Variants in SLC44A5 observed in about 807,000 individuals in gnomAD.
SLC44A5 encodes the protein solute carrier family 44 member 5.
SLC44A5 carries 57 observed loss-of-function variants against 101.8 expected under a neutral mutation model. That is an observed-to-expected ratio of 0.56 (90% CI 0.45 to 0.70). SLC44A5 has a LOEUF of 0.70. Ranked by LOEUF, SLC44A5 falls within the 30% of genes least tolerant of loss-of-function variation. The pLI is 0.00. For synonymous variants in SLC44A5, 281 were observed against 290.9 expected, an observed-to-expected ratio of 0.97 and a Z score of 0.35; for missense variants, 737 against 853.1, an observed-to-expected ratio of 0.86 and a Z score of 1.70.
chr1:75,515,365 T>C (rs1185005186), intron 2 of SLC44A5, among the ~76,000 whole-genome samples: 2 of 152,004 alleles, frequency 1.3e-5, no homozygotes, highest in South Asian at 4.1e-4. Context: ...GCATGATAGA[T>C]GTCAAAAAAA....
At chr1:75,542,513 A>G (rs902425056) in intron 1 of SLC44A5, among the ~76,000 whole-genome samples, 1 of 152,098 alleles carries the variant, frequency 6.6e-6, no homozygotes, top group Non-Finnish European at 1.5e-5. Context: ...TCTCATCAAC[A>G]TGTTATCATT....
intron 2 of SLC44A5, among the ~76,000 whole-genome samples, chr1:75,500,222 T>C (rs929858682): frequency 1.3e-5 from 2 of 152,242 alleles, no homozygotes; most frequent in Admixed American, 1.3e-4. Context: ...AGAGCAACTA[T>C]TCTATCACAA....
chr1:75,247,173 G>A (rs1293542730), intron 7 of SLC44A5, among the ~76,000 whole-genome samples: 2 of 152,032 alleles, frequency 1.3e-5, no homozygotes, highest in East Asian at 3.9e-4. Context: ...ATGGCTCCTT[G>A]AACTAGGGAA....
intron 23 of SLC44A5, among the ~76,000 whole-genome samples, chr1:75,211,121 T>C (rs886286192): frequency 2.0e-5 from 3 of 152,158 alleles, no homozygotes; most frequent in African/African-American, 7.2e-5. Flanking sequence ...CCATAATTTA[T>C]TCATCCTGCA....
the SLC44A5 span, among the ~76,000 whole-genome samples, chr1:75,688,150 T>C: frequency 6.6e-6 from 1 of 152,156 alleles, no homozygotes; most frequent in Non-Finnish European, 1.5e-5. Flanking sequence ...CCACAGTCTT[T>C]CCTGACAGGA....
At chr1:75,703,964 G>A in the SLC44A5 span, among the ~76,000 whole-genome samples, 9 of 152,148 alleles carry the variant, frequency 5.9e-5, no homozygotes, top group Non-Finnish European at 1.2e-4. Flanking sequence ...GAGGCAGAAA[G>A]ATTGCTTGAG....
rs1281357272 is a variant in SLC44A5 at position 75,478,504 on chromosome 1, C to T, written c.13+62931G>A. ...CCATCAGTGTGCTGTATTCAGGAAA[C>T]CCATCTCACATGCAGAGACACACAT... On this transcript the variant is annotated intron_variant, in intron 2 of 23. Transcript: ENST00000370859. 3.9e-5 allele frequency among the ~76,000 whole-genome samples: 6 copies of T among 152,114 alleles called. No homozygotes were observed. In the East Asian group the frequency reaches 9.7e-4, roughly 24 times the overall value.
In SLC44A5 at chr1:75,498,488, G is replaced by A. The variant is rs116234434; in HGVS notation, c.13+42947C>T. On this transcript the variant is annotated intron_variant, in intron 2 of 23. Coordinates refer to ENST00000370859, the MANE Select transcript of SLC44A5 (RefSeq NM_001130058.2). ...TCTTTAAAATGCATAGGAAAATATG[G>A]TACTCATTCAACTGTCTTAATCTAT... Among the ~76,000 whole-genome samples, 879 of 152,164 alleles carry A rather than the reference G, an allele frequency of 5.8e-3. 3 individuals are homozygous for A. Among genetic ancestry groups the A allele is most frequent in the African/African-American group, 0.02 (842 of 41,518 alleles).
chr1:75,321,580 C>G (rs1317311104), intron 4 of SLC44A5, among the ~76,000 whole-genome samples: 2 of 152,182 alleles, frequency 1.3e-5, no homozygotes, highest in Non-Finnish European at 2.9e-5. Flanking sequence ...CCTCCAAGCA[C>G]CATCACACTG....
rs151029320 is a variant in SLC44A5 at position 75,351,673 on chromosome 1, C to T, written c.53-12043G>A. ...GCAAGATAATGTGCTTTGATGTACC[C>T]GACTCTACAAAGATGTTCTTGAGGA... On this transcript the variant is annotated intron_variant, in intron 3 of 23. Transcript: ENST00000370859. 1.9e-3 allele frequency among the ~76,000 whole-genome samples: 292 copies of T among 151,548 alleles called. 1 individual carries two copies. The highest frequency in any genetic ancestry group is 6.6e-3 in the African/African-American group (274 of 41,406).
At chr1:75,709,779 T>C in the SLC44A5 span, among the ~76,000 whole-genome samples, 886 of 152,358 alleles carry the variant, frequency 5.8e-3, 7 homozygotes, top group Non-Finnish European at 7.0e-3. Context: ...TTTAATTTTG[T>C]TGATTCCACT....
chr1:75,211,728 A>G (rs1404814971), intron 22 of SLC44A5, among the ~76,000 whole-genome samples, 176 bp from the exon 23 acceptor site: 1 of 152,278 alleles, frequency 6.6e-6, no homozygotes, highest in Admixed American at 6.5e-5. Flanking sequence ...TTGTACTGAG[A>G]CTTAAACAAG....
chr1:75,351,846 C>CAAAA (rs71071942), intron 3 of SLC44A5, among the ~76,000 whole-genome samples: 4 of 28,396 alleles, frequency 1.4e-4, no homozygotes, highest in African/African-American at 2.5e-4. Flanking sequence ...CACACTTTAC[C>CAAAA]AAAAAAAAAA....
At chr1:75,541,368 T>G in intron 2 of SLC44A5, 67 bp downstream of exon 2, 1 of 1,192,380 alleles carries the variant, frequency 8.4e-7, no homozygotes, top group Non-Finnish European at 1.2e-6. Flanking sequence ...TATTTAATAT[T>G]AAATAAAAAA....
intron 4 of SLC44A5, among the ~76,000 whole-genome samples, chr1:75,314,966 C>A (rs1655583154): frequency 2.6e-5 from 4 of 151,950 alleles, no homozygotes. Context: ...TGGGCTTGAG[C>A]CTTAAGGCAA....
intron 2 of SLC44A5, among the ~76,000 whole-genome samples, chr1:75,536,255 A>G (rs1435568005): frequency 6.6e-6 from 1 of 152,138 alleles, no homozygotes; most frequent in African/African-American, 2.4e-5. Flanking sequence ...CTAATTTCCC[A>G]GCAGAGTCCT....
upstream of SLC44A5, among the ~76,000 whole-genome samples, chr1:75,614,421 GT>G (rs1357452990): frequency 1.2e-4 from 19 of 152,304 alleles, no homozygotes; most frequent in East Asian, 3.7e-3. Context: ...AGTCCCAGGT[GT>G]TTTCATAGTA....
At chr1:75,211,088 T>A (rs1013658687) in intron 23 of SLC44A5, among the ~76,000 whole-genome samples, 6 of 152,162 alleles carry the variant, frequency 3.9e-5, no homozygotes, top group Admixed American at 2.6e-4. Context: ...TTAACTATAG[T>A]CACCATGCTG....
chr1:75,702,756 C>T, the SLC44A5 span, among the ~76,000 whole-genome samples: 3 of 152,128 alleles, frequency 2.0e-5, no homozygotes, highest in Admixed American at 1.3e-4. Context: ...TTGCAATCTA[C>T]TCATCTGACA....
Sources: allele counts gnomAD v4.1 joint callset (sites outside exome capture counted in the v4.1 genomes callset), GRCh38; gene constraint gnomAD v4.1.1; transcripts MANE v1.5; gene names NCBI Gene and HGNC (gene_info 2026-07-23, HGNC 2026-07-21).